Variants in TTLL11 observed in about 807,000 individuals in gnomAD.
TTLL11 encodes the protein tubulin polyglutamylase TTLL11.
Under a neutral mutation model 51.7 loss-of-function variants are expected in TTLL11, and 42 were observed. That is an observed-to-expected ratio of 0.81 (90% CI 0.64 to 1.05). The LOEUF (loss-of-function observed/expected upper bound fraction) is 1.05. Ranked by LOEUF, TTLL11 falls within the 50% of genes least tolerant of loss-of-function variation. The pLI is 0.00. For synonymous variants in TTLL11, 381 were observed against 383.5 expected, an observed-to-expected ratio of 0.99 and a Z score of 0.08; for missense variants, 799 against 940.4, an observed-to-expected ratio of 0.85 and a Z score of 1.97.
intron 6 of TTLL11, among the ~76,000 whole-genome samples, chr9:121,921,222 G>C (rs1004843587): frequency 9.2e-5 from 14 of 152,128 alleles, no homozygotes; most frequent in African/African-American, 3.1e-4. Context: ...TAATTCACTG[G>C]TTTTACTAGC....
At chr9:122,078,991 C>T (rs1455285254) in intron 1 of TTLL11, among the ~76,000 whole-genome samples, 7 of 152,136 alleles carry the variant, frequency 4.6e-5, no homozygotes, top group Admixed American at 3.9e-4. Context: ...TTATGGTGGA[C>T]ATTTGGATTG....
intron 6 of TTLL11, among the ~76,000 whole-genome samples, chr9:121,954,237 T>C (rs1409612951): frequency 6.6e-6 from 1 of 152,232 alleles, no homozygotes; most frequent in Non-Finnish European, 1.5e-5. Flanking sequence ...TGTGTTATCA[T>C]AGGCCAAGTC....
At position 121,974,141 on chromosome 9, in the gene TTLL11, T is replaced by C. The variant is rs769484216; in HGVS notation, c.1366-17A>G. 4 of 1,539,224 alleles carry C rather than the reference T, an allele frequency of 2.6e-6. No individual in the cohort carries two copies. In the South Asian group the frequency reaches 4.8e-5, roughly 18 times the overall value. On this transcript the variant is annotated splice_polypyrimidine_tract_variant and intron_variant, in intron 5 of 8. Coordinates refer to ENST00000321582, the MANE Select transcript of TTLL11 (RefSeq NM_001139442.2). ...TGGAGAAAGCTTGAACGGGTAAGGATTCTGTGTCACAGTGGAGACCGTGAT... is the reference window on the plus strand; with the variant it reads ...TGGAGAAAGCTTGAACGGGTAAGGACTCTGTGTCACAGTGGAGACCGTGAT...
rs1459297321 is a variant in TTLL11 at position 121,989,486 on chromosome 9, T to C, written c.978A>G (p.Pro326=). ...GGTTTTTGGGGGTGGGCTCCTGATA[T>C]GGCTCGGTACAAAACCTAGAGAGTC... ...KDGLSRFCTE[P]YQEPTPKNLH... Residue 326 remains proline (P), a synonymous_variant, in exon 4 of 9, where the codon CCA becomes CCG. Coordinates refer to ENST00000321582, the MANE Select transcript of TTLL11 (RefSeq NM_001139442.2). This position sits in a 1 kb window ranked among gnomAD's most constrained non-coding sequence, Gnocchi z 4.2. The C allele has an allele frequency of 1.9e-6, 3 of 1,614,168 alleles. No homozygotes were observed. The highest frequency in any genetic ancestry group is 2.5e-6 in the Non-Finnish European group (3 of 1,180,034).
chr9:122,055,503 G>A (rs1038735611), intron 1 of TTLL11, among the ~76,000 whole-genome samples: 4 of 152,110 alleles, frequency 2.6e-5, no homozygotes, highest in African/African-American at 9.7e-5. Flanking sequence ...CAGATTAAGG[G>A]TGGGTCTGCC....
intron 3 of TTLL11, among the ~76,000 whole-genome samples, chr9:122,031,164 C>T (rs1037783861): frequency 1.2e-4 from 19 of 152,176 alleles, no homozygotes; most frequent in African/African-American, 4.3e-4. Flanking sequence ...GTTCTGAGTT[C>T]CACTTCACAA....
chr9:121,870,467 C>T lies in TTLL11; in HGVS notation c.1733+30G>A, dbSNP rs1321914721. 2.6e-6 allele frequency: 4 copies of T among 1,542,866 alleles called. No individual in the cohort carries two copies. In the South Asian group the frequency reaches 3.7e-5, roughly 14 times the overall value. Reference sequence around the variant, plus strand: ...AGACTGGACTCCACCCAGCCCAAAGCCCAAGCCAGAGGGGGCTGTTCTCAC... The same window carrying T: ...AGACTGGACTCCACCCAGCCCAAAGTCCAAGCCAGAGGGGGCTGTTCTCAC... On this transcript the variant is annotated intron_variant, in intron 7 of 8. Coordinates refer to ENST00000321582, the MANE Select transcript of TTLL11 (RefSeq NM_001139442.2).
At chr9:121,927,774 T>G (rs1840794531) in intron 6 of TTLL11, among the ~76,000 whole-genome samples, 1 of 152,116 alleles carries the variant, frequency 6.6e-6, no homozygotes, top group South Asian at 2.1e-4. Flanking sequence ...GAAGAGCTGC[T>G]GGAGTGCTGG....
chr9:121,839,004 C>A (rs1033299152), intron 8 of TTLL11, among the ~76,000 whole-genome samples: 1 of 152,220 alleles, frequency 6.6e-6, no homozygotes, highest in Non-Finnish European at 1.5e-5. Context: ...ACCTGCTCCC[C>A]GCATTCCCAC....
chr9:121,953,783 G>A (rs909830053), intron 6 of TTLL11, among the ~76,000 whole-genome samples: 2 of 151,992 alleles, frequency 1.3e-5, no homozygotes, highest in African/African-American at 4.8e-5. Flanking sequence ...GACGAACCTT[G>A]CATGGGGTAC....
chr9:121,862,720 GC>G (rs760507610), intron 7 of TTLL11, among the ~76,000 whole-genome samples: 3 of 152,262 alleles, frequency 2.0e-5, no homozygotes, highest in Non-Finnish European at 4.4e-5. Flanking sequence ...AATCCTGAAA[GC>G]TAGGCCTCTG....
chr9:121,844,023 G>A (rs1837438880), intron 8 of TTLL11, among the ~76,000 whole-genome samples: 1 of 152,128 alleles, frequency 6.6e-6, no homozygotes, highest in Non-Finnish European at 1.5e-5. Context: ...AGGGCAATTA[G>A]GTAACTCTAG....
At chr9:121,895,275 G>T (rs1249427855) in intron 6 of TTLL11, among the ~76,000 whole-genome samples, 1 of 151,764 alleles carries the variant, frequency 6.6e-6, no homozygotes, top group Non-Finnish European at 1.5e-5. Flanking sequence ...GTCTGTGTGA[G>T]CTATGTTTGT....
chr9:121,860,562 A>G (rs752245807), intron 7 of TTLL11, 119 bp from the exon 8 acceptor site: 28 of 788,188 alleles, frequency 3.6e-5, no homozygotes, highest in African/African-American at 5.1e-5. Flanking sequence ...TTGAAATCCT[A>G]TCCCTCCAAT....
intron 3 of TTLL11, among the ~76,000 whole-genome samples, chr9:121,994,209 C>T (rs1019726130): frequency 1.1e-4 from 16 of 142,310 alleles, no homozygotes; most frequent in Middle Eastern, 3.5e-3. Context: ...AGGACCTGGG[C>T]AGATGATGTG....
intron 6 of TTLL11, among the ~76,000 whole-genome samples, chr9:121,946,618 T>A (rs573831669): frequency 6.6e-6 from 1 of 152,364 alleles, no homozygotes; most frequent in South Asian, 2.1e-4. Context: ...TGCTGTGTGC[T>A]AAGCCCGCTG....
At chr9:122,079,708 C>CA (rs150125190) in intron 1 of TTLL11, among the ~76,000 whole-genome samples, 6,756 of 120,288 alleles carry the variant, frequency 0.056, 351 homozygotes, top group African/African-American at 0.15. Flanking sequence ...GACTCTGTCT[C>CA]AAAAAAAAAA....
In TTLL11 at chr9:122,066,576, T is replaced by C. The variant is rs570633393; in HGVS notation, c.462+26111A>G. The stretch of plus-strand genomic sequence containing the variant: ...GACTAAGCATGCTAAAAACCAAGTT[T>C]GGGGCCATAACAGACATGACTCCCT... On this transcript the variant is annotated intron_variant, in intron 1 of 8. Transcript: ENST00000321582. Among the ~76,000 whole-genome samples, 8 of 152,296 alleles carry C rather than the reference T, an allele frequency of 5.3e-5. No homozygotes were observed. The East Asian group carries it at 1.5e-3, about 29-fold the overall frequency.
At chr9:122,060,643 G>A (rs1564380069) in intron 1 of TTLL11, among the ~76,000 whole-genome samples, 2 of 152,116 alleles carry the variant, frequency 1.3e-5, no homozygotes, top group Admixed American at 6.5e-5. Flanking sequence ...AAGTTTTGCC[G>A]CTTGGATTCA....
Sources: allele counts gnomAD v4.1 joint callset (sites outside exome capture counted in the v4.1 genomes callset), GRCh38; gene constraint gnomAD v4.1.1; non-coding constraint Gnocchi (gnomAD v3.1); transcripts MANE v1.5; gene names NCBI Gene and HGNC (gene_info 2026-07-23, HGNC 2026-07-21).